SLC15A5: variants seen among roughly 807,000 people sequenced by gnomAD.
The protein encoded by SLC15A5 is Peptide/histidine transporter ENSP00000340402.
A neutral mutation model predicts 56.1 loss-of-function variants in SLC15A5; 58 were observed. The observed-to-expected ratio is 1.03, with a 90% confidence interval of 0.84 to 1.29. SLC15A5 has a LOEUF of 1.29. SLC15A5 is among the 50% of genes most tolerant of loss of function. SLC15A5 has a pLI of 0.00. For missense variants in SLC15A5, 681 were observed against 672.1 expected (o/e 1.01, Z -0.15); for synonymous variants, 264 against 250.5 (o/e 1.05, Z -0.51).
chr12:16,204,537 G>T (rs1565657249), intron 7 of SLC15A5, among the ~76,000 whole-genome samples: 1 of 151,050 alleles, frequency 6.6e-6, no homozygotes, highest in African/African-American at 2.4e-5. Flanking sequence ...TAACCAAAAA[G>T]ATAAGTATGA....
intron 1 of SLC15A5, among the ~76,000 whole-genome samples, chr12:16,273,148 A>G (rs924373703): frequency 2.0e-5 from 3 of 152,170 alleles, no homozygotes. Flanking sequence ...AACCACTGTT[A>G]ATAAAGGTTA....
At chr12:16,199,044 C>T (rs1316711362) in intron 7 of SLC15A5, among the ~76,000 whole-genome samples, 3 of 151,922 alleles carry the variant, frequency 2.0e-5, no homozygotes, top group Admixed American at 2.0e-4. Flanking sequence ...GCACTCCACC[C>T]GGGTCTCAAC....
chr12:16,207,150 C>A (rs10128927), intron 7 of SLC15A5, among the ~76,000 whole-genome samples: 80,127 of 152,034 alleles, frequency 0.53, 21,549 homozygotes, highest in South Asian at 0.73. Flanking sequence ...AATTAAACAT[C>A]AGACTTGATA....
intron 2 of SLC15A5, among the ~76,000 whole-genome samples, 159 bp from the exon 3 acceptor site, chr12:16,258,029 A>G (rs1248370923): frequency 6.6e-6 from 1 of 152,232 alleles, no homozygotes; most frequent in African/African-American, 2.4e-5. Flanking sequence ...TTAAGTATAT[A>G]AACATCAGCC....
intron 5 of SLC15A5, among the ~76,000 whole-genome samples, chr12:16,232,852 G>A (rs1864311104): frequency 6.6e-6 from 1 of 152,142 alleles, no homozygotes; most frequent in East Asian, 1.9e-4. Flanking sequence ...GGAGGTGGAG[G>A]TTGCAGTGAG....
rs1222452363 is a variant in SLC15A5 at position 16,269,021 on chromosome 12, A to T, written c.584+3540T>A. On this transcript the variant is annotated intron_variant, in intron 2 of 8. Transcript: ENST00000344941. This position sits in a 1 kb window ranked among gnomAD's most constrained non-coding sequence, Gnocchi z 4.7. ...CTCCGAGAGCTCCTTTGCCCCTTCC[A>T]CTATGTGAAGACACAGTGAGAAGCC... Among the ~76,000 whole-genome samples, 1 of 151,790 alleles carries T rather than the reference A, an allele frequency of 6.6e-6. No homozygotes were observed. The highest frequency in any genetic ancestry group is 1.5e-5 in the Non-Finnish European group (1 of 67,978).
Position 16,235,597 on chromosome 12 carries a change from G to A in SLC15A5, c.1162+4084C>T, listed in dbSNP as rs1864345704. 1.3e-5 allele frequency among the ~76,000 whole-genome samples: 2 copies of A among 152,018 alleles called. No individual in the cohort carries two copies. The highest frequency in any genetic ancestry group is 2.9e-5 in the Non-Finnish European group (2 of 67,958). On this transcript the variant is annotated intron_variant, in intron 5 of 8. Transcript: ENST00000344941. The surrounding 1 kb of genome is among the most constrained non-coding windows in gnomAD (Gnocchi z 4.1). ...ACTAATGTGCTTATATCAAACAAAT[G>A]TGCAACCGAATGAATGACTTATTCA...
intron 6 of SLC15A5, 124 bp downstream of exon 6, chr12:16,224,290 G>A: frequency 2.5e-6 from 2 of 799,052 alleles, no homozygotes; most frequent in East Asian, 2.7e-5. Context: ...TTTGCTGGAA[G>A]TATTGTGGGA....
intron 3 of SLC15A5, among the ~76,000 whole-genome samples, chr12:16,250,956 G>T (rs1864513390): frequency 6.6e-6 from 1 of 151,766 alleles, no homozygotes; most frequent in African/African-American, 2.4e-5. Flanking sequence ...AACACAAGAA[G>T]CAAGTTAAAA....
chr12:16,251,799 A>AG (rs1225959905), intron 3 of SLC15A5, among the ~76,000 whole-genome samples: 1 of 151,512 alleles, frequency 6.6e-6, no homozygotes, highest in Non-Finnish European at 1.5e-5. Flanking sequence ...TAAAAAGAGA[A>AG]ACATTCCCAA....
chr12:16,208,911 T>C (rs1864048771), intron 7 of SLC15A5, among the ~76,000 whole-genome samples: 1 of 152,214 alleles, frequency 6.6e-6, no homozygotes. Flanking sequence ...CTTGTATTTT[T>C]ATTTGCTAAG....
rs1194256613 is a variant in SLC15A5, at chr12:16,257,875, G to T, written c.585-5C>A. The T allele has an allele frequency of 6.9e-7, 1 of 1,455,432 alleles. No individual in the cohort carries two copies. Among genetic ancestry groups the T allele is most frequent in the Non-Finnish European group, 9.0e-7 (1 of 1,113,000 alleles). 90.2% of individuals were successfully genotyped at this position (1,455,432 alleles called of 1,614,324 possible). Reference sequence around the variant, plus strand: ...AGGTTCATGAGCCAATAAAACCTGGGGTATACAGACAGACAAAAATAAAAA... The same window carrying T: ...AGGTTCATGAGCCAATAAAACCTGGTGTATACAGACAGACAAAAATAAAAA... On this transcript the variant is annotated splice_region_variant and splice_polypyrimidine_tract_variant and intron_variant, in intron 2 of 8. Transcript: ENST00000344941.
intron 6 of SLC15A5, among the ~76,000 whole-genome samples, chr12:16,221,496 A>G (rs754155457): frequency 2.6e-5 from 4 of 152,224 alleles, no homozygotes; most frequent in Admixed American, 6.5e-5. Context: ...GAAATCTAGC[A>G]TCTTAGAAAC....
intron 3 of SLC15A5, among the ~76,000 whole-genome samples, chr12:16,251,344 A>G (rs1207410608): frequency 2.0e-5 from 3 of 151,934 alleles, no homozygotes; most frequent in Non-Finnish European, 2.9e-5. Flanking sequence ...AGATTAGAGC[A>G]GAGATAAACA....
chr12:16,263,397 C>T (rs575871683), intron 2 of SLC15A5, among the ~76,000 whole-genome samples: 4 of 151,998 alleles, frequency 2.6e-5, no homozygotes, highest in East Asian at 3.9e-4. Context: ...AGCATTCAAG[C>T]GGTGACTTGG....
At chr12:16,207,413 CAT>C (rs1441592763) in intron 7 of SLC15A5, among the ~76,000 whole-genome samples, 1 of 151,286 alleles carries the variant, frequency 6.6e-6, no homozygotes, top group Non-Finnish European at 1.5e-5. Context: ...CTTTCTTTTG[CAT>C]ATTTGGAGGA....
rs1863891823 is a variant in SLC15A5 at position 16,196,052 on chromosome 12, C to G, written c.1484-1599G>C. On this transcript the variant is annotated intron_variant, in intron 7 of 8. Transcript: ENST00000344941. This position sits in a 1 kb window ranked among gnomAD's most constrained non-coding sequence, Gnocchi z 4.0. The stretch of plus-strand genomic sequence containing the variant: ...GGTTGTAAAGGTAATCCTGATTATG[C>G]TATTAATTTGCAGTAGCTGTGTGTG... Among the ~76,000 whole-genome samples the G allele has an allele frequency of 6.6e-6, 1 of 152,040 alleles. No homozygotes were observed. The highest frequency in any genetic ancestry group is 2.1e-4 in the South Asian group (1 of 4,814).
At chr12:16,204,580 T>G (rs1208595859) in intron 7 of SLC15A5, among the ~76,000 whole-genome samples, 1 of 151,804 alleles carries the variant, frequency 6.6e-6, no homozygotes, top group East Asian at 1.9e-4. Flanking sequence ...TATCATAAAA[T>G]TATTATAATA....
intron 7 of SLC15A5, among the ~76,000 whole-genome samples, chr12:16,206,086 G>C (rs568728552): frequency 6.6e-6 from 1 of 152,284 alleles, no homozygotes; most frequent in South Asian, 2.1e-4. Flanking sequence ...GCGAAAAAGG[G>C]TGCAATTAAA....
Sources: allele counts gnomAD v4.1 joint callset (sites outside exome capture counted in the v4.1 genomes callset), GRCh38; gene constraint gnomAD v4.1.1; non-coding constraint Gnocchi (gnomAD v3.1); transcripts MANE v1.5; gene names NCBI Gene and HGNC (gene_info 2026-07-23, HGNC 2026-07-21).